The following MFSD6 variants were observed in gnomAD, a reference collection of about 807,000 sequenced individuals.
MFSD6 encodes major facilitator superfamily domain containing 6.
In MFSD6, 26 loss-of-function variants were observed where a neutral mutation model predicts 56.3. The ratio of observed to expected loss-of-function variants is 0.46; its 90% CI spans 0.34 to 0.64. The LOEUF (loss-of-function observed/expected upper bound fraction) is 0.64. Ranked by LOEUF, MFSD6 falls within the 30% of genes least tolerant of loss-of-function variation. The pLI is 0.01. For missense variants in MFSD6, 750 were observed against 986.2 expected, an observed-to-expected ratio of 0.76 and a Z score of 3.21; for synonymous variants, 331 against 366.9, an observed-to-expected ratio of 0.90 and a Z score of 1.12.
At chr2:190,448,926 G>A (rs1446744262) in intron 3 of MFSD6, among the ~76,000 whole-genome samples, 1 of 152,186 alleles carries the variant, frequency 6.6e-6, no homozygotes. Flanking sequence ...TCCTCCTGTA[G>A]AAGAGCCAAA....
At chr2:190,441,778 C>T (rs898312657) in intron 3 of MFSD6, among the ~76,000 whole-genome samples, 10 of 152,100 alleles carry the variant, frequency 6.6e-5, no homozygotes, top group African/African-American at 2.4e-4. Context: ...TATGCCCCAC[C>T]CACTGTGGGT....
In MFSD6 at chr2:190,491,329, T is replaced by A. The variant is rs1689339817; in HGVS notation, c.1891+1463T>A. Among the ~76,000 whole-genome samples, 1 of 152,158 alleles carries A rather than the reference T, an allele frequency of 6.6e-6. No individual in the cohort carries two copies. The highest frequency in any genetic ancestry group is 2.4e-5 in the African/African-American group (1 of 41,424). On this transcript the variant is annotated intron_variant, in intron 6 of 7. Coordinates refer to ENST00000392328, the MANE Select transcript of MFSD6 (RefSeq NM_017694.4). This position sits in a 1 kb window ranked among gnomAD's most constrained non-coding sequence, Gnocchi z 4.2. ...TAGCATGTGGAGACTTGCATCATGC[T>A]TTTGCTCCAGAACTACTGCAGGAAT...
chr2:190,434,308 T>G lies in MFSD6; in HGVS notation c.-53-1669T>G, dbSNP rs1050692923. Among the ~76,000 whole-genome samples the G allele has an allele frequency of 2.6e-5, 4 of 152,226 alleles. No individual in the cohort carries two copies. The highest frequency in any genetic ancestry group is 9.6e-5 in the African/African-American group (4 of 41,460). On this transcript the variant is annotated intron_variant, in intron 2 of 7. Transcript: ENST00000392328. This position sits in a 1 kb window ranked among gnomAD's most constrained non-coding sequence, Gnocchi z 4.3. ...AATTCTTGATGCACACAAGACCTTT[T>G]GACACTTTAATCATTCAATCTTTAA...
rs1686106636 is a variant in MFSD6 at position 190,434,377 on chromosome 2, T to C, written c.-53-1600T>C. Among the ~76,000 whole-genome samples, 2 of 152,314 alleles carry C rather than the reference T, an allele frequency of 1.3e-5. No individual in the cohort carries two copies. The highest frequency in any genetic ancestry group is 2.9e-5 in the Non-Finnish European group (2 of 68,024). On this transcript the variant is annotated intron_variant, in intron 2 of 7. Coordinates refer to ENST00000392328, the MANE Select transcript of MFSD6 (RefSeq NM_017694.4). The surrounding 1 kb of genome is among the most constrained non-coding windows in gnomAD (Gnocchi z 4.3). ...TGATGGGATGCTGGCACAGTTCCTA[T>C]AAATTTATATAAATGTATATTGCTA...
At chr2:190,440,377 CT>C (rs769005520) in intron 3 of MFSD6, among the ~76,000 whole-genome samples, 1 of 152,138 alleles carries the variant, frequency 6.6e-6, no homozygotes, top group Non-Finnish European at 1.5e-5. Context: ...TGGAAGGTGA[CT>C]TTCTCAGGCA....
At position 190,449,660 on chromosome 2, in the gene MFSD6, A is replaced by G. The variant is rs1295767109; in HGVS notation, c.1532+12099A>G. Among the ~76,000 whole-genome samples the G allele has an allele frequency of 5.2e-4, 73 of 139,858 alleles. 2 individuals are homozygous for G. The highest frequency in any genetic ancestry group is 1.0e-3 in the Admixed American group (15 of 14,476). 91.8% of individuals were successfully genotyped at this position (139,858 alleles called of 152,430 possible). On this transcript the variant is annotated intron_variant, in intron 3 of 7. Coordinates refer to ENST00000392328, the MANE Select transcript of MFSD6 (RefSeq NM_017694.4). Reference sequence around the variant, plus strand: ...ACTGGATTAAGAAAATGTAGCACATATAACCATGAAATACTATGCAGCCAT... The same window carrying G: ...ACTGGATTAAGAAAATGTAGCACATGTAACCATGAAATACTATGCAGCCAT...
chr2:190,487,729 A>T lies in MFSD6; in HGVS notation c.1631-928A>T, dbSNP rs1454251265. ...TCACATTCATTATGATTGCTATTTT[A>T]AAAAGATATATATAAGTTCTGGCAA... On this transcript the variant is annotated intron_variant, in intron 4 of 7. Coordinates refer to ENST00000392328, the MANE Select transcript of MFSD6 (RefSeq NM_017694.4). This position sits in a 1 kb window ranked among gnomAD's most constrained non-coding sequence, Gnocchi z 5.5. 2.0e-5 allele frequency among the ~76,000 whole-genome samples: 3 copies of T among 152,208 alleles called. No individual in the cohort carries two copies. The highest frequency in any genetic ancestry group is 4.4e-5 in the Non-Finnish European group (3 of 68,028).
rs1687935779 is a variant in MFSD6 at position 190,471,597 on chromosome 2, A to C, written c.1630+1742A>C. On this transcript the variant is annotated intron_variant, in intron 4 of 7. Coordinates refer to ENST00000392328, the MANE Select transcript of MFSD6 (RefSeq NM_017694.4). The surrounding 1 kb of genome is among the most constrained non-coding windows in gnomAD (Gnocchi z 4.7). ...TAGGTAAACAAAGCAGCGGCTGGGA[A>C]GCTTGAACTGGGTGGAGCCCACCAC... Among the ~76,000 whole-genome samples, 1 of 152,214 alleles carries C rather than the reference A, an allele frequency of 6.6e-6. No homozygotes were observed. The highest frequency in any genetic ancestry group is 1.5e-5 in the Non-Finnish European group (1 of 68,034).
At chr2:190,411,113 T>C in intron 1 of MFSD6, 1 of 982,138 alleles carries the variant, frequency 1.0e-6, no homozygotes, top group Non-Finnish European at 1.2e-6. Flanking sequence ...TGTTTAAACC[T>C]GCATACAGGC....
chr2:190,414,469 T>C (rs1196077162), intron 1 of MFSD6, among the ~76,000 whole-genome samples: 2 of 152,254 alleles, frequency 1.3e-5, no homozygotes, highest in Non-Finnish European at 2.9e-5. Context: ...TATGATTCTT[T>C]TGAATGAGTA....
chr2:190,417,965 GGTGTGTGTGT>G lies in MFSD6; in HGVS notation c.-54+2579_-54+2588del, dbSNP rs59001642. On this transcript the variant is annotated intron_variant, in intron 2 of 7. Transcript: ENST00000392328. The surrounding 1 kb of genome is among the most constrained non-coding windows in gnomAD (Gnocchi z 5.7). ...CTGACTTTTCATTTAACCCTTTAGT[GGTGTGTGTGT>G]GTGTGTGTGTGTGTGTGTGTGTGTG... 0.17 allele frequency among the ~76,000 whole-genome samples: 25,114 copies of G among 144,668 alleles called. 2,199 individuals are homozygous for G. The highest frequency in any genetic ancestry group is 0.29 in the East Asian group (1,452 of 4,928). The allele number at this position is 144,668 out of a possible 152,430, so 94.9% of individuals were successfully genotyped here.
intron 1 of MFSD6, chr2:190,411,978 A>G (rs1204336678): frequency 1.1e-5 from 11 of 985,214 alleles, no homozygotes; most frequent in Non-Finnish European, 9.6e-6. Context: ...GGAGAAACCA[A>G]TTTACCTGCT....
Position 190,502,098 on chromosome 2 carries a change from A to G in MFSD6, c.*1880A>G, listed in dbSNP as rs1690050694. ...TTTAAATGTTTCTTAAATGATAAAG[A>G]TGTGACCAAACAAAAGTCCTATACT... On this transcript the variant is annotated 3_prime_UTR_variant, in exon 8 of 8. Coordinates refer to ENST00000392328, the MANE Select transcript of MFSD6 (RefSeq NM_017694.4). The surrounding 1 kb of genome is among the most constrained non-coding windows in gnomAD (Gnocchi z 4.4). The G allele has an allele frequency of 6.6e-6, 1 of 152,582 alleles. No individual in the cohort carries two copies. The highest frequency in any genetic ancestry group is 1.5e-5 in the Non-Finnish European group (1 of 68,040). 9.5% of individuals were successfully genotyped at this position (152,582 alleles called of 1,614,324 possible). A position where few individuals can be genotyped will look rare whatever the true frequency, so the allele number is the denominator to read the frequency against.
rs193249066 is a variant in MFSD6, at chr2:190,423,533, C to T, written c.-54+8120C>T. The stretch of plus-strand genomic sequence containing the variant: ...GTACAATTTGTTTAATTAGTCCTTC[C>T]ATCCTTTGAAGGGCTTTTGGGTTGT... On this transcript the variant is annotated intron_variant, in intron 2 of 7. Coordinates refer to ENST00000392328, the MANE Select transcript of MFSD6 (RefSeq NM_017694.4). This position sits in a 1 kb window ranked among gnomAD's most constrained non-coding sequence, Gnocchi z 4.3. 6.6e-6 allele frequency among the ~76,000 whole-genome samples: 1 copy of T among 152,234 alleles called. No individual in the cohort carries two copies. Among genetic ancestry groups the T allele is most frequent in the Non-Finnish European group, 1.5e-5 (1 of 68,024 alleles).
intron 2 of MFSD6, among the ~76,000 whole-genome samples, chr2:190,428,098 T>C (rs1685840665): frequency 6.6e-6 from 1 of 152,228 alleles, no homozygotes; most frequent in Non-Finnish European, 1.5e-5. Flanking sequence ...AGTGGAATCA[T>C]GTGTTCAGTG....
At chr2:190,472,556 G>T (rs1359307970) in intron 4 of MFSD6, among the ~76,000 whole-genome samples, 3 of 152,108 alleles carry the variant, frequency 2.0e-5, no homozygotes, top group Admixed American at 6.5e-5. Flanking sequence ...AAAAAGAAAC[G>T]AACAAAGCCT....
rs1414664648 is a variant in MFSD6 at position 190,437,394 on chromosome 2, G to A, written c.1365G>A (p.Trp455Ter). The A allele has an allele frequency of 1.2e-6, 2 of 1,614,198 alleles. No individual in the cohort carries two copies. The highest frequency in any genetic ancestry group is 8.5e-7 in the Non-Finnish European group (1 of 1,180,042). ...VQYGSVLFVA[W>*]FMGFGYGFVF... ...ATGGCTCAGTGCTGTTTGTGGCTTG[G>A]TTCATGGGTTTTGGATATGGCTTCG... is the stretch of plus-strand genomic sequence containing the variant. Residue 455 changes from tryptophan (W) to a stop codon, truncating the protein, a stop_gained, in exon 3 of 8, where the codon TGG becomes TGA. Transcript: ENST00000392328. LOFTEE classifies it high-confidence loss of function. The surrounding 1 kb of genome is among the most constrained non-coding windows in gnomAD (Gnocchi z 5.9).
rs1690637874 is a variant in MFSD6, at chr2:190,413,226, G to A, written c.-175-2066G>A. 6.6e-6 allele frequency among the ~76,000 whole-genome samples: 1 copy of A among 152,104 alleles called. No homozygotes were observed. The highest frequency in any genetic ancestry group is 1.9e-4 in the East Asian group (1 of 5,186). ...TGATGATTATGTTGAAGAGATGTGA[G>A]TGAGAGTTCTGTATTACCTTGTGAC... On this transcript the variant is annotated intron_variant, in intron 1 of 7. Coordinates refer to ENST00000392328, the MANE Select transcript of MFSD6 (RefSeq NM_017694.4). This position sits in a 1 kb window ranked among gnomAD's most constrained non-coding sequence, Gnocchi z 4.1.
rs1689228743 is a variant in MFSD6 at position 190,489,826 on chromosome 2, T to C, written c.1851T>C (p.Phe617=). 6.2e-7 allele frequency: 1 copy of C among 1,614,116 alleles called. No homozygotes were observed. Among genetic ancestry groups the C allele is most frequent in the Admixed American group, 1.7e-5 (1 of 60,010 alleles). The change falls in exon 6 of 8, where the codon TTT becomes TTC. Residue 617 remains phenylalanine, a synonymous_variant. Transcript: ENST00000392328. This position sits in a 1 kb window ranked among gnomAD's most constrained non-coding sequence, Gnocchi z 6.6. ...CCTGCTTGGTGATCCTACTGCTCTT[T>C]GCCCTGATCCAGTGGCTGGCAGTGC... ...GMACLVILLL[F]ALIQWLAVPD...
Sources: gnomAD v4.1 joint callset for allele counts (sites outside exome capture counted in the v4.1 genomes callset) on GRCh38, gnomAD v4.1.1 for gene constraint, Gnocchi (gnomAD v3.1) non-coding constraint, MANE v1.5 for transcripts, NCBI Gene and HGNC (gene_info 2026-07-23, HGNC 2026-07-21) for gene names.